LRP1: variants seen among roughly 807,000 people sequenced by gnomAD.
LRP1 encodes LDL receptor related protein 1.
Under a neutral mutation model 541.5 loss-of-function variants are expected in LRP1, and 51 were observed. The ratio of observed to expected loss-of-function variants is 0.09; its 90% CI spans 0.08 to 0.12. The LOEUF is 0.12. LRP1 is among the 10% of genes least tolerant of loss of function. The pLI is 1.00. For missense variants in LRP1, 3,878 were observed against 6,376.2 expected (o/e 0.61, Z 13.34); for synonymous variants, 2,219 against 2,470.8 (o/e 0.90, Z 3.02).
In LRP1 at chr12:57,184,743, G is replaced by A; in HGVS notation, c.6187-96G>A. On this transcript the variant is annotated intron_variant, in intron 38 of 88. Coordinates refer to ENST00000243077, the MANE Select transcript of LRP1 (RefSeq NM_002332.3). The surrounding 1 kb of genome is among the most constrained non-coding windows in gnomAD (Gnocchi z 7.8). Reference sequence around the variant, plus strand: ...AGTGAGTTAGGGGAGGCTGAACTGAGGGCCTCACTCTGGCCCAGGCACTCC... The same window carrying A: ...AGTGAGTTAGGGGAGGCTGAACTGAAGGCCTCACTCTGGCCCAGGCACTCC... 1.5e-6 allele frequency: 2 copies of A among 1,348,080 alleles called. No individual in the cohort carries two copies. The highest frequency in any genetic ancestry group is 2.0e-6 in the Non-Finnish European group (2 of 979,592). 83.5% of individuals were successfully genotyped at this position (1,348,080 alleles called of 1,614,324 possible).
intron 1 of LRP1, 194 bp downstream of exon 1, chr12:57,129,225 G>A (rs913942296): frequency 5.4e-5 from 32 of 595,900 alleles, no homozygotes; most frequent in Non-Finnish European, 8.1e-5. Context: ...GGCAAATGAT[G>A]CTTCCGGGGC....
At chr12:57,129,174 G>A (rs974422460) in intron 1 of LRP1, 143 bp downstream of exon 1, 2 of 892,622 alleles carry the variant, frequency 2.2e-6, no homozygotes, top group Admixed American at 2.2e-5. Flanking sequence ...CGGCCCGACT[G>A]GGGGCGGGGA....
In LRP1 at chr12:57,145,430, A is replaced by C. The variant is rs1157863712; in HGVS notation, c.781A>C (p.Met261Leu). Residue 261 changes from methionine to leucine, a missense_variant, in exon 6 of 89, where the codon ATG (methionine) becomes CTG (leucine). Transcript: ENST00000243077. ...AAQTQLKCARMPGLKGFVDEH... is the reference protein window; with the variant it reads ...AAQTQLKCARLPGLKGFVDEH... ...TCAGACGCAGCTCAAGTGTGCCCGC[A>C]TGCCTGGCCTAAAGGGCTTCGTGGA... is the stretch of plus-strand genomic sequence containing the variant. The C allele has an allele frequency of 1.2e-6, 2 of 1,614,082 alleles. No individual in the cohort carries two copies. The highest frequency in any genetic ancestry group is 1.7e-6 in the Non-Finnish European group (2 of 1,180,010).
chr12:57,173,476 A>G lies in LRP1; in HGVS notation c.3346+126A>G. On this transcript the variant is annotated intron_variant, in intron 21 of 88. Coordinates refer to ENST00000243077, the MANE Select transcript of LRP1 (RefSeq NM_002332.3). This position sits in a 1 kb window ranked among gnomAD's most constrained non-coding sequence, Gnocchi z 4.7. ...GTGGAGTGGTGCTGGGGACAGTGCA[A>G]GGCAAAAGGCAGTCCAGAGGAAGCT... 1 of 1,045,946 alleles carries G rather than the reference A, an allele frequency of 9.6e-7. No homozygotes were observed. The highest frequency in any genetic ancestry group is 1.4e-6 in the Non-Finnish European group (1 of 726,716). 64.8% of individuals were successfully genotyped at this position (1,045,946 alleles called of 1,614,324 possible). A position where few individuals can be genotyped will look rare whatever the true frequency, so the allele number is the denominator to read the frequency against.
rs1201228199 is a variant in LRP1, at chr12:57,184,934, C to A, written c.6282C>A (p.Asn2094Lys). The A allele has an allele frequency of 1.2e-6, 2 of 1,614,162 alleles. No individual in the cohort carries two copies. The highest frequency in any genetic ancestry group is 1.7e-6 in the Non-Finnish European group (2 of 1,180,006). The part of the protein sequence containing the change: ...GENREVVLSS[N>K]NMDMFSVSVF... ...ACCGCGAGGTGGTTCTGTCCAGCAACAACATGGACATGTTTTCAGTGTCTG... is the reference window on the plus strand; with the variant it reads ...ACCGCGAGGTGGTTCTGTCCAGCAAAAACATGGACATGTTTTCAGTGTCTG... Residue 2094 changes from asparagine (N) to lysine (K), a missense_variant, in exon 39 of 89, where the codon AAC (asparagine) becomes AAA (lysine). Asn to Lys is a moderately conservative substitution (Grantham distance 94, BLOSUM62 0). This residue lies in a region of LRP1 where 1,100 missense variants were observed against 1,827.4 expected (regional missense o/e 0.60). Coordinates refer to ENST00000243077, the MANE Select transcript of LRP1 (RefSeq NM_002332.3). This position sits in a 1 kb window ranked among gnomAD's most constrained non-coding sequence, Gnocchi z 7.8.
chr12:57,186,128 T>C, intron 41 of LRP1, among the ~76,000 whole-genome samples: 1 of 152,178 alleles, frequency 6.6e-6, no homozygotes, highest in Non-Finnish European at 1.5e-5. Flanking sequence ...CCTTCAGAGC[T>C]GCACAGAACA....
chr12:57,211,891 G>A lies in LRP1; in HGVS notation c.13259-36G>A. 1.9e-6 allele frequency: 3 copies of A among 1,613,754 alleles called. No homozygotes were observed. The highest frequency in any genetic ancestry group is 2.5e-6 in the Non-Finnish European group (3 of 1,179,750). On this transcript the variant is annotated intron_variant, in intron 86 of 88. Transcript: ENST00000243077. The surrounding 1 kb of genome is among the most constrained non-coding windows in gnomAD (Gnocchi z 4.3). ...GACCGTGTGCCTCCTGCTTCCCTGA[G>A]CCTTGGTGACTCAGTGTCCCACCTC...
chr12:57,203,653 T>C lies in LRP1; in HGVS notation c.10951+132T>C, dbSNP rs371398479. ...ACAAATATTTATTAAGCATTTACCA[T>C]GTACCAGGCACTGCCATAGGTGTTA... On this transcript the variant is annotated intron_variant, in intron 70 of 88. Transcript: ENST00000243077. The C allele has an allele frequency of 1.3e-4, 161 of 1,199,724 alleles. No homozygotes were observed. The African/African-American group carries it at 2.1e-3, about 16-fold the overall frequency. The allele number at this position is 1,199,724 out of a possible 1,614,324, so 74.3% of individuals were successfully genotyped here.
chr12:57,196,923 C>G (rs2036545531), intron 55 of LRP1, 59 bp from the exon 56 acceptor site: 2 of 1,462,256 alleles, frequency 1.4e-6, no homozygotes, highest in African/African-American at 2.8e-5. Flanking sequence ...AGCCAGGTCT[C>G]CAGGGTGGGA....
chr12:57,183,857 G>A lies in LRP1; in HGVS notation c.5877G>A (p.Val1959=), dbSNP rs1318811929. The change falls in exon 36 of 89, where the codon GTG becomes GTA. Residue 1959 remains valine (V), a synonymous_variant. Transcript: ENST00000243077. This position sits in a 1 kb window ranked among gnomAD's most constrained non-coding sequence, Gnocchi z 6.1. The part of the protein sequence containing the change: ...AKRDQTWRED[V]VTNGIGRVEG... ...GGGACCAGACGTGGCGTGAAGACGT[G>A]GTGACCAATGGCATTGGCCGTGTGG... is the stretch of plus-strand genomic sequence containing the variant. 4 of 1,614,070 alleles carry A rather than the reference G, an allele frequency of 2.5e-6. No homozygotes were observed. Among genetic ancestry groups the A allele is most frequent in the Admixed American group, 1.7e-5 (1 of 60,006 alleles).
intron 8 of LRP1, among the ~76,000 whole-genome samples, 189 bp from the exon 9 acceptor site, chr12:57,155,905 C>G (rs549635898): frequency 6.6e-6 from 1 of 152,224 alleles, no homozygotes; most frequent in South Asian, 2.1e-4. Flanking sequence ...GAGCCGTGAT[C>G]GTGCCATTGC....
At position 57,128,549 on chromosome 12, in the gene LRP1, G is replaced by GC; in HGVS notation, c.-411dup. 1 of 395,474 alleles carries GC rather than the reference G, an allele frequency of 2.5e-6. No homozygotes were observed. The highest frequency in any genetic ancestry group is 4.5e-6 in the Non-Finnish European group (1 of 224,094). The allele number at this position is 395,474 out of a possible 1,614,324, so 24.5% of individuals were successfully genotyped here. A position where few individuals can be genotyped will look rare whatever the true frequency, so the allele number is the denominator to read the frequency against. On this transcript the variant is annotated 5_prime_UTR_variant, in exon 1 of 89. Transcript: ENST00000243077. ...CACTGAGGAGGCGGAAACAAGGGGA[G>GC]CCCCCAGAGCTCCATCAAGCCCCCT...
rs1368887036 is a variant in LRP1 at position 57,191,876 on chromosome 12, CCA to C, written c.7429+372_7429+373del. On this transcript the variant is annotated intron_variant, in intron 44 of 88. Coordinates refer to ENST00000243077, the MANE Select transcript of LRP1 (RefSeq NM_002332.3). ...ACACACCACATACACACCACACATA[CCA>C]CACACACCCCACACATACCACATAC... 5.2e-4 allele frequency among the ~76,000 whole-genome samples: 21 copies of C among 40,746 alleles called. No homozygotes were observed. In the South Asian group the frequency reaches 0.026, roughly 50 times the overall value. 26.7% of individuals were successfully genotyped at this position (40,746 alleles called of 152,430 possible).
chr12:57,153,556 C>G (rs2035565015), intron 6 of LRP1, among the ~76,000 whole-genome samples: 1 of 152,184 alleles, frequency 6.6e-6, no homozygotes, highest in South Asian at 2.1e-4. Flanking sequence ...CTGACCCTCC[C>G]CAGGACATGA....
intron 34 of LRP1, among the ~76,000 whole-genome samples, chr12:57,181,755 G>C (rs1445053988): frequency 6.6e-6 from 1 of 152,154 alleles, no homozygotes; most frequent in Non-Finnish European, 1.5e-5. Flanking sequence ...AGAAACAGAG[G>C]CGGTTAAACC....
chr12:57,136,474 G>A (rs931113403), intron 1 of LRP1, among the ~76,000 whole-genome samples: 17 of 146,538 alleles, frequency 1.2e-4, no homozygotes, highest in Non-Finnish European at 2.5e-4. Flanking sequence ...GTCTTCTCAG[G>A]CGACTCTGGC....
chr12:57,204,769 G>C lies in LRP1; in HGVS notation c.11194+20G>C. 1.2e-6 allele frequency: 2 copies of C among 1,613,408 alleles called. No individual in the cohort carries two copies. The highest frequency in any genetic ancestry group is 2.2e-5 in the South Asian group (2 of 91,078). On this transcript the variant is annotated intron_variant, in intron 72 of 88. Transcript: ENST00000243077. The surrounding 1 kb of genome is among the most constrained non-coding windows in gnomAD (Gnocchi z 5.3). ...ACTGTGGTGAGCAGGGGGCCGACGA[G>C]AGGCCTGCAGGGGACGGGTAGTGCA...
Position 57,154,957 on chromosome 12 carries a change from A to G in LRP1, c.1227+256A>G, listed in dbSNP as rs150218033. The stretch of plus-strand genomic sequence containing the variant: ...CTGTTTCTCATTTGACCCTTATAAT[A>G]ACCCCTAGCTGATGAACAGGGAGGT... On this transcript the variant is annotated intron_variant, in intron 8 of 88. Coordinates refer to ENST00000243077, the MANE Select transcript of LRP1 (RefSeq NM_002332.3). This position sits in a 1 kb window ranked among gnomAD's most constrained non-coding sequence, Gnocchi z 4.6. The G allele has an allele frequency of 8.4e-6, 5 of 598,636 alleles. No homozygotes were observed. In the East Asian group the frequency reaches 1.4e-4, roughly 16 times the overall value. 37.1% of individuals were successfully genotyped at this position (598,636 alleles called of 1,614,324 possible).
Position 57,165,684 on chromosome 12 carries a change from A to T in LRP1, c.2531-121A>T. 1.0e-6 allele frequency: 1 copy of T among 981,170 alleles called. No individual in the cohort carries two copies. Among genetic ancestry groups the T allele is most frequent in the Non-Finnish European group, 1.5e-6 (1 of 669,076 alleles). 60.8% of individuals were successfully genotyped at this position (981,170 alleles called of 1,614,324 possible). On this transcript the variant is annotated intron_variant, in intron 15 of 88. Coordinates refer to ENST00000243077, the MANE Select transcript of LRP1 (RefSeq NM_002332.3). This position sits in a 1 kb window ranked among gnomAD's most constrained non-coding sequence, Gnocchi z 4.5. The stretch of plus-strand genomic sequence containing the variant: ...TTTGTTTCATGAGGAATTTTGTACT[A>T]GAAAAAATTACTTTGTATTATTAAA...
Sources: gnomAD v4.1 joint callset for allele counts (sites outside exome capture counted in the v4.1 genomes callset) on GRCh38, gnomAD v4.1.1 for gene constraint, gnomAD v4.1.1 regional missense constraint, Gnocchi (gnomAD v3.1) non-coding constraint, MANE v1.5 for transcripts, NCBI Gene and HGNC (gene_info 2026-07-23, HGNC 2026-07-21) for gene names.